Variants in PML observed in about 807,000 individuals in gnomAD.
PML encodes protein PML.
Under a neutral mutation model 65.2 loss-of-function variants are expected in PML, and 28 were observed. That is an observed-to-expected ratio of 0.43 (90% CI 0.32 to 0.59). PML has a LOEUF of 0.59. PML is among the 20% of genes least tolerant of loss of function. The pLI, the probability that PML is intolerant of heterozygous loss-of-function variation, is 0.08. For synonymous variants in PML, 500 were observed against 508.8 expected (o/e 0.98, Z 0.23); for missense variants, 1,021 against 1,203.4 (o/e 0.85, Z 2.24).
chr15:74,020,742 T>G (rs2070799434), intron 2 of PML, among the ~76,000 whole-genome samples: 1 of 152,186 alleles, frequency 6.6e-6, no homozygotes, highest in Non-Finnish European at 1.5e-5. Context: ...TGGGAGGCTC[T>G]CAGGGAGAAC....
In PML at chr15:74,035,802, G is replaced by T; in HGVS notation, c.1710+1272G>T. ...CAGAGCCCAGACTCTTGGAGCAGGT[G>T]TTCCCCCTGGGGACTCTGTCAGAGG... On this transcript the variant is annotated intron_variant, in intron 7 of 8. Transcript: ENST00000268058. The surrounding 1 kb of genome is among the most constrained non-coding windows in gnomAD (Gnocchi z 4.1). 1.2e-6 allele frequency: 2 copies of T among 1,614,042 alleles called. No homozygotes were observed. The highest frequency in any genetic ancestry group is 1.3e-5 in the African/African-American group (1 of 75,016).
chr15:74,014,302 G>A (rs1362877299), intron 2 of PML, among the ~76,000 whole-genome samples: 2 of 152,094 alleles, frequency 1.3e-5, no homozygotes, highest in Non-Finnish European at 2.9e-5. Context: ...CACCCTTGCC[G>A]CATGCCTAGA....
intron 2 of PML, among the ~76,000 whole-genome samples, chr15:74,014,852 T>C (rs1413940193): frequency 3.3e-5 from 5 of 152,088 alleles, no homozygotes; most frequent in Non-Finnish European, 7.4e-5. Flanking sequence ...TTCCCCACCA[T>C]AAAGATGGCA....
At position 74,035,962 on chromosome 15, in the gene PML, C is replaced by A; in HGVS notation, c.1710+1432C>A. On this transcript the variant is annotated intron_variant, in intron 7 of 8. Transcript: ENST00000268058. This position sits in a 1 kb window ranked among gnomAD's most constrained non-coding sequence, Gnocchi z 4.1. ...CAAGCAGGCCTCTGAGAGTGCTACC[C>A]TTCTCTTGTAACCTTGCAGCCAACA... 1 of 1,614,138 alleles carries A rather than the reference C, an allele frequency of 6.2e-7. No individual in the cohort carries two copies. Among genetic ancestry groups the A allele is most frequent in the South Asian group, 1.1e-5 (1 of 91,082 alleles).
chr15:73,997,943 G>A, intron 1 of PML, 61 bp from the exon 2 acceptor site: 1 of 1,430,890 alleles, frequency 7.0e-7, no homozygotes, highest in Non-Finnish European at 9.8e-7. Context: ...AAGGGTGGTT[G>A]GCCGGTAGGT....
At position 74,042,367 on chromosome 15, in the gene PML, G is replaced by C. The variant is rs1489560091; in HGVS notation, c.1711-622G>C. 2 of 985,326 alleles carry C rather than the reference G, an allele frequency of 2.0e-6. No individual in the cohort carries two copies. The highest frequency in any genetic ancestry group is 1.7e-5 in the African/African-American group (1 of 57,238). The allele number at this position is 985,326 out of a possible 1,614,324, so 61.0% of individuals were successfully genotyped here. On this transcript the variant is annotated intron_variant, in intron 7 of 8. Coordinates refer to ENST00000268058, the MANE Select transcript of PML (RefSeq NM_033238.3). The surrounding 1 kb of genome is among the most constrained non-coding windows in gnomAD (Gnocchi z 5.3). ...CCAAGCAGTCCTTCCCCTCGCCTTT[G>C]TGTAGGACACTGGCACCTCGGCTGA... is the stretch of plus-strand genomic sequence containing the variant.
chr15:74,008,161 G>C (rs2070153361), intron 2 of PML, among the ~76,000 whole-genome samples: 1 of 152,182 alleles, frequency 6.6e-6, no homozygotes, highest in Admixed American at 6.5e-5. Flanking sequence ...AAATAGAAAG[G>C]CCACAGACAG....
chr15:74,042,839 C>T lies in PML; in HGVS notation c.1711-150C>T, dbSNP rs888717347. ...GTTCACACCCATTCATGCACACATA[C>T]CTTCTCTTGTGCACACGTCCCCTTT... On this transcript the variant is annotated intron_variant, in intron 7 of 8. Transcript: ENST00000268058. The surrounding 1 kb of genome is among the most constrained non-coding windows in gnomAD (Gnocchi z 5.3). 5.2e-6 allele frequency: 8 copies of T among 1,543,678 alleles called. No homozygotes were observed. The highest frequency in any genetic ancestry group is 5.2e-6 in the Non-Finnish European group (6 of 1,151,236).
rs1366717787 is a variant in PML at position 73,999,555 on chromosome 15, C to G, written c.602+1079C>G. ...CTTATTGTAAAGGTTGAGTGGCTTT[C>G]CACTTGTTTATTGGCCATTGTGTTT... On this transcript the variant is annotated intron_variant, in intron 2 of 8. Coordinates refer to ENST00000268058, the MANE Select transcript of PML (RefSeq NM_033238.3). Among the ~76,000 whole-genome samples, 9 of 152,186 alleles carry G rather than the reference C, an allele frequency of 5.9e-5. No individual in the cohort carries two copies. In the East Asian group the frequency reaches 1.7e-3, roughly 29 times the overall value.
In PML at chr15:73,998,110, G is replaced by A. The variant is rs748429878; in HGVS notation, c.236G>A (p.Gly79Glu). Residue 79 changes from glycine to glutamate, a missense_variant, in exon 2 of 9, where the codon GGA becomes GAA. Physicochemically the swap from Gly to Glu is moderately conservative, Grantham distance 98 (BLOSUM62 -2). Coordinates refer to ENST00000268058, the MANE Select transcript of PML (RefSeq NM_033238.3). Reference sequence around the variant, plus strand: ...CCTTGTCTGCACACGCTGTGCTCAGGATGCCTGGAGGCGTCGGGCATGCAG... The same window carrying A: ...CCTTGTCTGCACACGCTGTGCTCAGAATGCCTGGAGGCGTCGGGCATGCAG... The part of the protein sequence containing the change: ...LLPCLHTLCS[G>E]CLEASGMQCP... The A allele has an allele frequency of 2.5e-6, 4 of 1,613,960 alleles. No homozygotes were observed. In the South Asian group the frequency reaches 4.4e-5, roughly 18 times the overall value.
At chr15:74,002,444 C>CTTTTTTTTTTT (rs71137368) in intron 2 of PML, among the ~76,000 whole-genome samples, 61 of 104,720 alleles carry the variant, frequency 5.8e-4, no homozygotes, top group East Asian at 7.9e-4. Context: ...TCTTTCTTTT[C>CTTTTTTTTTTT]TTTTTTTTTT....
intron 2 of PML, among the ~76,000 whole-genome samples, chr15:74,022,498 G>C (rs897850618): frequency 2.0e-5 from 3 of 152,228 alleles, no homozygotes; most frequent in African/African-American, 7.2e-5. Context: ...GAGATGTGTG[G>C]AAGGGTGCAC....
At chr15:74,026,666 C>G (rs186420682) in intron 4 of PML, 1 of 151,978 alleles carries the variant, frequency 6.6e-6, no homozygotes, top group African/African-American at 2.4e-5. Context: ...TTAAAAATTT[C>G]TTTTGAGACA....
intron 2 of PML, among the ~76,000 whole-genome samples, chr15:74,021,245 A>G (rs1019797260): frequency 4.6e-5 from 7 of 152,222 alleles, no homozygotes; most frequent in African/African-American, 1.7e-4. Context: ...AATGCTTATA[A>G]TAGTATCTGA....
chr15:74,023,488 C>T, intron 3 of PML, 80 bp downstream of exon 3: 2 of 1,148,456 alleles, frequency 1.7e-6, no homozygotes, highest in Non-Finnish European at 2.5e-6. Flanking sequence ...AGATCATCTC[C>T]ATTTGACAGA....
Position 74,035,079 on chromosome 15 carries a change from A to G in PML, c.1710+549A>G. 1.6e-6 allele frequency: 2 copies of G among 1,225,496 alleles called. No individual in the cohort carries two copies. Among genetic ancestry groups the G allele is most frequent in the Non-Finnish European group, 2.4e-6 (2 of 836,304 alleles). The allele number at this position is 1,225,496 out of a possible 1,614,324, so 75.9% of individuals were successfully genotyped here. On this transcript the variant is annotated intron_variant, in intron 7 of 8. Coordinates refer to ENST00000268058, the MANE Select transcript of PML (RefSeq NM_033238.3). The surrounding 1 kb of genome is among the most constrained non-coding windows in gnomAD (Gnocchi z 4.1). Reference sequence around the variant, plus strand: ...CTAGAGGCTGGACTATCACCTGTCCAGGGGAAAAGGGGATCTGAATAGAGT... The same window carrying G: ...CTAGAGGCTGGACTATCACCTGTCCGGGGGAAAAGGGGATCTGAATAGAGT...
At chr15:74,010,313 G>A (rs2070273990) in intron 2 of PML, among the ~76,000 whole-genome samples, 2 of 149,044 alleles carry the variant, frequency 1.3e-5, no homozygotes, top group South Asian at 2.1e-4. Flanking sequence ...GATTACAGGC[G>A]TGAACCACTG....
chr15:74,036,350 G>A (rs2071560675), intron 7 of PML: 2 of 1,406,596 alleles, frequency 1.4e-6, no homozygotes, highest in East Asian at 5.3e-5. Flanking sequence ...GCTATCCCAA[G>A]ACCTGGCAGA....
rs755769375 is a variant in PML at position 74,044,631 on chromosome 15, G to C, written c.2272G>C (p.Glu758Gln). Residue 758 changes from glutamate (E) to glutamine (Q), a missense_variant, in exon 9 of 9, where the codon GAG (glutamate) becomes CAG (glutamine). Transcript: ENST00000268058. ...LAMRDLCRLL[E>Q]VSPGPQLAQH... ...CATGCGTGACCTGTGCCGCCTCCTC[G>C]AGGTCTCCCCGGGCCCCCAGCTGGC... 1.9e-6 allele frequency: 3 copies of C among 1,606,192 alleles called. No homozygotes were observed. In the South Asian group the frequency reaches 3.3e-5, roughly 18 times the overall value.
Sources: gnomAD v4.1 joint callset for allele counts (sites outside exome capture counted in the v4.1 genomes callset) on GRCh38, gnomAD v4.1.1 for gene constraint, Gnocchi (gnomAD v3.1) non-coding constraint, MANE v1.5 for transcripts, NCBI Gene and HGNC (gene_info 2026-07-23, HGNC 2026-07-21) for gene names.